SLC26A3: variants seen among roughly 807,000 people sequenced by gnomAD.
SLC26A3 encodes the protein solute carrier family 26 member 3.
SLC26A3 carries 64 observed loss-of-function variants against 85.6 expected under a neutral mutation model. The observed-to-expected ratio is 0.75, with a 90% CI of 0.61 to 0.92. The LOEUF (loss-of-function observed/expected upper bound fraction) is 0.92. SLC26A3 is among the 40% of genes least tolerant of loss of function. The probability of loss-of-function intolerance (pLI) is 0.00; values close to 1 mark genes in which losing one functional copy is unlikely to be tolerated. For missense variants in SLC26A3, 922 were observed against 927.3 expected (o/e 0.99, Z 0.07); for synonymous variants, 349 against 336.0 (o/e 1.04, Z -0.42).
chr7:107,795,822 C>G (rs1191331474), intron 1 of SLC26A3, among the ~76,000 whole-genome samples: 1 of 152,160 alleles, frequency 6.6e-6, no homozygotes, highest in Non-Finnish European at 1.5e-5. Flanking sequence ...TTATCTCACA[C>G]TAGATAGTAT....
intron 5 of SLC26A3, 60 bp downstream of exon 5, chr7:107,790,988 G>T: frequency 6.5e-7 from 1 of 1,549,094 alleles, no homozygotes; most frequent in Non-Finnish European, 8.8e-7. Flanking sequence ...AAAATAGAGA[G>T]ATGTGTAACA....
At chr7:107,802,720 G>A (rs901678428) in intron 1 of SLC26A3, among the ~76,000 whole-genome samples, 17 of 143,050 alleles carry the variant, frequency 1.2e-4, no homozygotes, top group African/African-American at 2.9e-4. Context: ...CTCTCCTGGA[G>A]AAACTCTTTC....
intron 18 of SLC26A3, among the ~76,000 whole-genome samples, chr7:107,770,424 CA>C (rs1240684726): frequency 4.8e-5 from 7 of 146,530 alleles, no homozygotes; most frequent in Non-Finnish European, 9.0e-5. Context: ...ACCCAGCTAA[CA>C]TTTTTTTTTT....
intron 18 of SLC26A3, 25 bp downstream of exon 18, chr7:107,772,029 A>G: frequency 6.3e-7 from 1 of 1,575,430 alleles, no homozygotes; most frequent in Non-Finnish European, 8.7e-7. Context: ...TTGTCAGAAC[A>G]TAAAACAAAA....
chr7:107,777,617 A>G (rs1303312339), intron 13 of SLC26A3, among the ~76,000 whole-genome samples: 3 of 152,160 alleles, frequency 2.0e-5, no homozygotes, highest in Non-Finnish European at 2.9e-5. Context: ...ATAAATAAAT[A>G]AAAATTAAAA....
rs543293137 is a variant in SLC26A3, at chr7:107,794,554, T to C, written c.-45A>G. ...GTGGCAAGTTGAAGACCTTTGCAAC[T>C]ATGTGGTGAACACTTCTTCTTGCCT... On this transcript the variant is annotated 5_prime_UTR_variant, in exon 2 of 21. In the 5' UTR this introduces an upstream ATG that the reference lacks. Transcript: ENST00000340010. 1.9e-6 allele frequency: 3 copies of C among 1,611,630 alleles called. No individual in the cohort carries two copies. The highest frequency in any genetic ancestry group is 1.3e-5 in the African/African-American group (1 of 75,010).
chr7:107,794,314 G>A, intron 2 of SLC26A3, 65 bp downstream of exon 2: 1 of 1,589,438 alleles, frequency 6.3e-7, no homozygotes, highest in Admixed American at 1.7e-5. Flanking sequence ...TGGAAAGTTA[G>A]AAAATTTAGG....
chr7:107,786,927 G>A lies in SLC26A3; in HGVS notation c.889-18C>T. On this transcript the variant is annotated intron_variant, in intron 7 of 20. Transcript: ENST00000340010. Reference sequence around the variant, plus strand: ...ATCACGGTCTGCAAAGTTGCAAATGGCCCAAGTTAGAAATGTGAGATGCAA... The same window carrying A: ...ATCACGGTCTGCAAAGTTGCAAATGACCCAAGTTAGAAATGTGAGATGCAA... 6.2e-7 allele frequency: 1 copy of A among 1,606,436 alleles called. No individual in the cohort carries two copies.
chr7:107,776,882 G>T (rs1217567026), intron 13 of SLC26A3, 176 bp from the exon 14 acceptor site: 2 of 673,832 alleles, frequency 3.0e-6, no homozygotes, highest in Non-Finnish European at 5.3e-6. Context: ...ACTTATCTTT[G>T]TGTCCTCTCA....
At chr7:107,773,659 T>C (rs1442734478) in intron 17 of SLC26A3, among the ~76,000 whole-genome samples, 1 of 152,222 alleles carries the variant, frequency 6.6e-6, no homozygotes, top group East Asian at 1.9e-4. Flanking sequence ...CAAGCTATTC[T>C]CCTGCCTCAG....
Position 107,778,214 on chromosome 7 carries a change from A to G in SLC26A3, c.1475T>C (p.Val492Ala), listed in dbSNP as rs1794152633. 6.2e-7 allele frequency: 1 copy of G among 1,613,968 alleles called. No homozygotes were observed. Among genetic ancestry groups the G allele is most frequent in the Middle Eastern group, 1.6e-4 (1 of 6,062 alleles). The change falls in exon 13 of 21, where the codon GTG becomes GCG. Residue 492 changes from valine (V) to alanine (A), a missense_variant. Coordinates refer to ENST00000340010, the MANE Select transcript of SLC26A3 (RefSeq NM_000111.3). ...CACGATGGTTAGCAGTTGAAATGCC[A>G]CACTAGCTGCCAGGCCTAACCCGAG... The part of the protein sequence containing the change: ...LGLGLGLAAS[V>A]AFQLLTIVFR...
In SLC26A3 at chr7:107,767,867, C is replaced by T; in HGVS notation, c.2104G>A (p.Gly702Ser). 6.2e-7 allele frequency: 1 copy of T among 1,613,372 alleles called. No individual in the cohort carries two copies. The highest frequency in any genetic ancestry group is 1.1e-5 in the South Asian group (1 of 91,040). Residue 702 changes from glycine to serine, a missense_variant, in exon 19 of 21, where the codon GGT (glycine) becomes AGT (serine). Physicochemically the swap from Gly to Ser is moderately conservative, Grantham distance 56. Transcript: ENST00000340010. ...AAAAATATTGAGCTTTTCACTTCAC[C>T]ATCAAAAAATTCATACCGGTTAAGC... is the stretch of plus-strand genomic sequence containing the variant. ...EKLNRYEFFD[G>S]EVKSSIFFLT...
chr7:107,789,806 G>T, intron 5 of SLC26A3, 118 bp from the exon 6 acceptor site: 1 of 1,098,422 alleles, frequency 9.1e-7, no homozygotes. Context: ...GTATGTACAT[G>T]CCTTGAAGAA....
intron 6 of SLC26A3, among the ~76,000 whole-genome samples, chr7:107,788,299 C>CA (rs1243781426): frequency 6.6e-6 from 1 of 151,996 alleles, no homozygotes; most frequent in Admixed American, 6.5e-5. Context: ...CAAGTATTTT[C>CA]AAAAAAATAA....
In SLC26A3 at chr7:107,778,173, A is replaced by G. The variant is rs993595530; in HGVS notation, c.1514+2T>C. The G allele has an allele frequency of 6.2e-7, 1 of 1,608,296 alleles. No homozygotes were observed. ...AGGATGCAGAGCACTTTGAGCACTCACAATTGGGTCCTGAACACGATGGTT... is the reference window on the plus strand; with the variant it reads ...AGGATGCAGAGCACTTTGAGCACTCGCAATTGGGTCCTGAACACGATGGTT... On this transcript the variant is annotated splice_donor_variant, in intron 13 of 20. Coordinates refer to ENST00000340010, the MANE Select transcript of SLC26A3 (RefSeq NM_000111.3). LOFTEE classifies it high-confidence loss of function.
At chr7:107,771,949 A>T in intron 18 of SLC26A3, 105 bp downstream of exon 18, 1 of 794,214 alleles carries the variant, frequency 1.3e-6, no homozygotes, top group Non-Finnish European at 2.2e-6. Context: ...GATTTTCATC[A>T]TGATTATATA....
At position 107,786,937 on chromosome 7, in the gene SLC26A3, G is replaced by C. The variant is rs372210794; in HGVS notation, c.889-28C>G. The C allele has an allele frequency of 4.2e-5, 66 of 1,575,002 alleles. No individual in the cohort carries two copies. The African/African-American group carries it at 7.8e-4, about 19-fold the overall frequency. On this transcript the variant is annotated intron_variant, in intron 7 of 20. Coordinates refer to ENST00000340010, the MANE Select transcript of SLC26A3 (RefSeq NM_000111.3). The stretch of plus-strand genomic sequence containing the variant: ...GCAAAGTTGCAAATGGCCCAAGTTA[G>C]AAATGTGAGATGCAAGTAAGAGTCT...
chr7:107,787,664 G>T, intron 6 of SLC26A3, 155 bp from the exon 7 acceptor site: 1 of 668,836 alleles, frequency 1.5e-6, no homozygotes, highest in Non-Finnish European at 2.5e-6. Context: ...TTGTGAATGT[G>T]AAATTGTAGA....
chr7:107,788,788 T>TC lies in SLC26A3; in HGVS notation c.735+735_735+736insG, dbSNP rs560766713. On this transcript the variant is annotated intron_variant, in intron 6 of 20. Coordinates refer to ENST00000340010, the MANE Select transcript of SLC26A3 (RefSeq NM_000111.3). ...TTTCTTTTTCTTTTTTCTTTTCTTTTTTTTTTTTTTTTTGAGACTATGTCT... is the reference window on the plus strand; with the variant it reads ...TTTCTTTTTCTTTTTTCTTTTCTTTTCTTTTTTTTTTTTTGAGACTATGTCT... Among the ~76,000 whole-genome samples, 156 of 144,404 alleles carry TC rather than the reference T, an allele frequency of 1.1e-3. No individual in the cohort carries two copies. The South Asian group carries it at 0.013, about 12-fold the overall frequency. 94.7% of individuals were successfully genotyped at this position (144,404 alleles called of 152,430 possible).
Sources: gnomAD v4.1 joint callset for allele counts (sites outside exome capture counted in the v4.1 genomes callset) on GRCh38, gnomAD v4.1.1 for gene constraint, MANE v1.5 for transcripts, NCBI Gene and HGNC (gene_info 2026-07-23, HGNC 2026-07-21) for gene names.